The following CHN2 variants were observed in gnomAD, a reference collection of about 807,000 sequenced individuals.
CHN2 encodes beta-chimaerin.
CHN2 carries 35 observed loss-of-function variants against 56.3 expected under a neutral mutation model. The ratio of observed to expected loss-of-function variants is 0.62; its 90% CI spans 0.47 to 0.82. The LOEUF (loss-of-function observed/expected upper bound fraction) is 0.82. Among genes scored for constraint, CHN2 ranks in the 40% least tolerant of loss-of-function variants. CHN2 has a pLI of 0.00. For missense variants in CHN2, 491 were observed against 580.5 expected (o/e 0.85, Z 1.58); for synonymous variants, 210 against 212.8 (o/e 0.99, Z 0.12).
intron 2 of CHN2, among the ~76,000 whole-genome samples, chr7:29,183,742 T>C (rs145713653): frequency 7.9e-5 from 12 of 152,194 alleles, no homozygotes; most frequent in African/African-American, 2.6e-4. Flanking sequence ...GAGAGATATA[T>C]AGAAGATATA....
chr7:29,269,884 T>C (rs1444130809), intron 1 of CHN2, among the ~76,000 whole-genome samples: 1 of 152,206 alleles, frequency 6.6e-6, no homozygotes, highest in Non-Finnish European at 1.5e-5. Flanking sequence ...CTAATAGGCT[T>C]CTGACCCTCC....
intron 6 of CHN2, among the ~76,000 whole-genome samples, chr7:29,462,479 A>G (rs1785237319): frequency 6.6e-6 from 1 of 152,200 alleles, no homozygotes; most frequent in Admixed American, 6.5e-5. Context: ...GGAACTCAAC[A>G]TCTGGGGGCT....
intron 1 of CHN2, among the ~76,000 whole-genome samples, chr7:29,300,790 A>G (rs56910407): frequency 4.3e-4 from 66 of 152,358 alleles, no homozygotes; most frequent in African/African-American, 1.5e-3. Context: ...AGCAGCAAGT[A>G]TGCCTAGTCT....
intron 1 of CHN2, among the ~76,000 whole-genome samples, chr7:29,312,861 A>G (rs999642269): frequency 4.6e-5 from 7 of 152,132 alleles, no homozygotes; most frequent in Non-Finnish European, 8.8e-5. Context: ...AGCTTAAAAT[A>G]TACCACCAGA....
chr7:29,466,202 TAAAG>T (rs1471045563), intron 6 of CHN2, among the ~76,000 whole-genome samples: 2 of 146,326 alleles, frequency 1.4e-5, no homozygotes, highest in South Asian at 2.2e-4. Flanking sequence ...ATTGTCAAAA[TAAAG>T]AGAGAAAGAG....
intron 1 of CHN2, among the ~76,000 whole-genome samples, chr7:29,292,009 A>G (rs1792672402): frequency 6.6e-6 from 1 of 152,206 alleles, no homozygotes; most frequent in African/African-American, 2.4e-5. Context: ...TGCAAGCCCT[A>G]AATATTTAAT....
In CHN2 at chr7:29,252,578, G is replaced by GTTT. The variant is rs545289689; in HGVS notation, c.49+57614_49+57616dup. ...CTGTTTGTCTAAAATTGCATTCTTT[G>GTTT]TTTTTTTTTTTTTTTTTTTTTTTTT... On this transcript the variant is annotated intron_variant, in intron 1 of 12. Transcript: ENST00000222792. Among the ~76,000 whole-genome samples the GTTT allele has an allele frequency of 3.8e-3, 74 of 19,496 alleles. 23 individuals are homozygous for GTTT. Among genetic ancestry groups the GTTT allele is most frequent in the African/African-American group, 9.9e-3 (32 of 3,246 alleles). 12.8% of individuals were successfully genotyped at this position (19,496 alleles called of 152,430 possible).
intron 1 of CHN2, among the ~76,000 whole-genome samples, chr7:29,311,649 TA>T (rs1284853450): frequency 1.3e-5 from 2 of 152,218 alleles, no homozygotes; most frequent in African/African-American, 2.4e-5. Flanking sequence ...CTCATATTTC[TA>T]AGGTCTTTCA....
chr7:29,469,468 G>T (rs148481132), intron 6 of CHN2, among the ~76,000 whole-genome samples: 1 of 152,126 alleles, frequency 6.6e-6, no homozygotes, highest in South Asian at 2.1e-4. Context: ...GAAGGCCCTA[G>T]GTCCCTTACC....
chr7:29,392,703 G>GCTAT (rs1485590509), intron 3 of CHN2, among the ~76,000 whole-genome samples: 1 of 152,130 alleles, frequency 6.6e-6, no homozygotes, highest in Admixed American at 6.5e-5. Context: ...AGCTAGGCCA[G>GCTAT]GAAACTGCCC....
At chr7:29,435,050 C>T (rs755956394) in intron 6 of CHN2, among the ~76,000 whole-genome samples, 7 of 152,086 alleles carry the variant, frequency 4.6e-5, no homozygotes, top group Non-Finnish European at 7.4e-5. Context: ...CAAGATTGCA[C>T]CACTGCACTC....
chr7:29,436,679 T>C (rs1226201864), intron 6 of CHN2, among the ~76,000 whole-genome samples: 2 of 152,170 alleles, frequency 1.3e-5, no homozygotes, highest in Non-Finnish European at 2.9e-5. Flanking sequence ...AGACAGACTA[T>C]AGACCACACC....
intron 1 of CHN2, among the ~76,000 whole-genome samples, chr7:29,306,683 G>A (rs1794196610): frequency 6.6e-6 from 1 of 152,212 alleles, no homozygotes; most frequent in Admixed American, 6.5e-5. Flanking sequence ...TTTTTCAAGT[G>A]TATTGTTTAT....
intron 6 of CHN2, among the ~76,000 whole-genome samples, chr7:29,458,035 A>G (rs1316400678): frequency 1.3e-5 from 2 of 152,218 alleles, no homozygotes; most frequent in East Asian, 1.9e-4. Context: ...CTTTTTAAAA[A>G]CAGCTTTCAT....
chr7:29,347,766 A>G (rs1387087919), intron 1 of CHN2, among the ~76,000 whole-genome samples: 1 of 152,226 alleles, frequency 6.6e-6, no homozygotes, highest in Non-Finnish European at 1.5e-5. Context: ...ACATAAATGA[A>G]CTAAGTATAT....
chr7:29,146,824 T>C (rs1338665559), intron 1 of CHN2: 18 of 1,550,606 alleles, frequency 1.2e-5, no homozygotes, highest in Non-Finnish European at 1.4e-5. Flanking sequence ...CAACCCTGTA[T>C]TTTGAAATTA....
intron 6 of CHN2, among the ~76,000 whole-genome samples, chr7:29,430,016 T>C (rs1310086826): frequency 6.6e-6 from 1 of 152,192 alleles, no homozygotes. Context: ...TTTAGGATGC[T>C]CCCCTTTAGG....
chr7:29,167,754 A>T (rs1438210974), intron 2 of CHN2, among the ~76,000 whole-genome samples: 7 of 152,246 alleles, frequency 4.6e-5, no homozygotes, highest in African/African-American at 1.7e-4. Context: ...TTCCCTAAAC[A>T]TTTCCAGTTT....
At chr7:29,156,298 A>G (rs1794361978) in intron 2 of CHN2, among the ~76,000 whole-genome samples, 1 of 152,226 alleles carries the variant, frequency 6.6e-6, no homozygotes, top group African/African-American at 2.4e-5. Context: ...TGTTTCAAAA[A>G]TGTCAAAACA....
Sources: gnomAD v4.1 joint callset for allele counts (sites outside exome capture counted in the v4.1 genomes callset) on GRCh38, gnomAD v4.1.1 for gene constraint, MANE v1.5 for transcripts, NCBI Gene and HGNC (gene_info 2026-07-23, HGNC 2026-07-21) for gene names.